Variants in SOX5 observed in about 807,000 individuals in gnomAD.
SOX5 encodes SRY-box transcription factor 5, also known as transcription factor SOX-5.
SOX5 carries 9 observed loss-of-function variants against 92.0 expected under a neutral mutation model. That is an observed-to-expected ratio of 0.10 (90% confidence interval 0.06 to 0.17). SOX5 has a LOEUF of 0.17. Among genes scored for constraint, SOX5 ranks in the 10% least tolerant of loss-of-function variants. The probability of loss-of-function intolerance (pLI) is 1.00; values close to 1 mark genes in which losing one functional copy is unlikely to be tolerated. For synonymous variants in SOX5, 344 were observed against 336.3 expected, an observed-to-expected ratio of 1.02 and a Z score of -0.25; for missense variants, 642 against 944.5, an observed-to-expected ratio of 0.68 and a Z score of 4.20.
chr12:24,120,943 G>A (rs1402664936), intron 4 of SOX5, among the ~76,000 whole-genome samples: 1 of 152,124 alleles, frequency 6.6e-6, no homozygotes, highest in Admixed American at 6.5e-5. Flanking sequence ...CAGTCCTTGT[G>A]GTTGATGCAG....
chr12:23,915,483 T>C (rs1223764811), intron 1 of SOX5, among the ~76,000 whole-genome samples: 2 of 152,180 alleles, frequency 1.3e-5, no homozygotes, highest in Non-Finnish European at 2.9e-5. Context: ...TTTCTGAATC[T>C]TGCTAGAAAA....
chr12:24,240,922 T>C (rs1965443033), intron 3 of SOX5, among the ~76,000 whole-genome samples: 1 of 152,338 alleles, frequency 6.6e-6, no homozygotes, highest in Non-Finnish European at 1.5e-5. Flanking sequence ...TTTAAAATAA[T>C]GTGTAACTCA....
chr12:24,550,827 A>G (rs1953081061), intron 1 of SOX5, among the ~76,000 whole-genome samples: 1 of 152,180 alleles, frequency 6.6e-6, no homozygotes, highest in Non-Finnish European at 1.5e-5. Context: ...ATCTCCTTTT[A>G]TTTCCAAAGC....
intron 1 of SOX5, among the ~76,000 whole-genome samples, chr12:23,941,202 T>A (rs1283473911): frequency 6.6e-6 from 1 of 151,630 alleles, no homozygotes; most frequent in Non-Finnish European, 1.5e-5. Flanking sequence ...AACTATTATA[T>A]TCCCTAAAAT....
At chr12:24,277,516 A>G (rs12229248) in intron 2 of SOX5, among the ~76,000 whole-genome samples, 23 of 119,828 alleles carry the variant, frequency 1.9e-4, no homozygotes, top group South Asian at 7.7e-4. Context: ...ATATAAATAT[A>G]TATTTATATG....
chr12:23,785,947 T>C (rs1377619078), intron 3 of SOX5, among the ~76,000 whole-genome samples: 1 of 152,064 alleles, frequency 6.6e-6, no homozygotes, highest in African/African-American at 2.4e-5. Context: ...TTTTCTTTCC[T>C]TGTTTGGGCC....
intron 3 of SOX5, among the ~76,000 whole-genome samples, chr12:24,226,257 T>C (rs546519046): frequency 6.6e-6 from 1 of 152,272 alleles, no homozygotes; most frequent in South Asian, 2.1e-4. Context: ...ACCCACACAA[T>C]ATACATTATT....
chr12:23,814,587 C>G (rs1422662298), intron 3 of SOX5, among the ~76,000 whole-genome samples: 1 of 152,170 alleles, frequency 6.6e-6, no homozygotes, highest in Admixed American at 6.5e-5. Flanking sequence ...CAATTTTTCA[C>G]TTCAATTAAC....
intron 4 of SOX5, among the ~76,000 whole-genome samples, chr12:24,121,518 G>A (rs1451443448): frequency 6.8e-6 from 1 of 147,756 alleles, no homozygotes; most frequent in Non-Finnish European, 1.5e-5. Context: ...CTTTACAGAA[G>A]TTTATGGGGA....
chr12:24,042,564 C>T (rs1160334887), intron 4 of SOX5, among the ~76,000 whole-genome samples: 1 of 152,086 alleles, frequency 6.6e-6, no homozygotes, highest in Admixed American at 6.5e-5. Context: ...CATCCATATC[C>T]ATCATATATA....
intron 1 of SOX5, among the ~76,000 whole-genome samples, chr12:24,461,598 GC>G (rs1193383122): frequency 1.8e-4 from 27 of 152,018 alleles, no homozygotes; most frequent in Admixed American, 1.8e-3. Context: ...CCATATACAG[GC>G]CACATATTAT....
intron 4 of SOX5, among the ~76,000 whole-genome samples, chr12:23,998,767 C>T (rs1569451290): frequency 7.4e-6 from 1 of 134,498 alleles, no homozygotes; most frequent in Non-Finnish European, 1.5e-5. Flanking sequence ...CGCCATTGCA[C>T]TCCAGCCTGG....
At chr12:23,804,466 C>G (rs1427783385) in intron 3 of SOX5, among the ~76,000 whole-genome samples, 1 of 152,056 alleles carries the variant, frequency 6.6e-6, no homozygotes, top group African/African-American at 2.4e-5. Flanking sequence ...CTGATCAGAT[C>G]ACACCACTGC....
intron 2 of SOX5, among the ~76,000 whole-genome samples, chr12:24,341,851 G>GCCCAGTA (rs1952613489): frequency 6.6e-6 from 1 of 152,144 alleles, no homozygotes; most frequent in African/African-American, 2.4e-5. Flanking sequence ...AGTGCCCAGT[G>GCCCAGTA]CCCACTGGGC....
chr12:24,130,902 T>G (rs775034921), intron 4 of SOX5, among the ~76,000 whole-genome samples: 1 of 152,172 alleles, frequency 6.6e-6, no homozygotes, highest in Non-Finnish European at 1.5e-5. Flanking sequence ...AGCTCCATAT[T>G]CCTACCTAGG....
chr12:24,457,846 T>C (rs1168442172), intron 1 of SOX5, among the ~76,000 whole-genome samples: 1 of 152,180 alleles, frequency 6.6e-6, no homozygotes, highest in African/African-American at 2.4e-5. Context: ...TTTTACTTTA[T>C]AGGCTTAAAA....
chr12:23,979,694 ATATGTTTTTTT>A (rs1392379256), intron 4 of SOX5, among the ~76,000 whole-genome samples: 2 of 60,066 alleles, frequency 3.3e-5, no homozygotes, highest in African/African-American at 5.2e-5. Context: ...ATATATATAT[ATATGTTTTTTT>A]TGTTTTTTTT....
rs573457663 is a variant in SOX5, at chr12:24,398,571, G to T, written c.-250-29932C>A. Among the ~76,000 whole-genome samples the T allele has an allele frequency of 5.9e-5, 9 of 152,182 alleles. No individual in the cohort carries two copies. The East Asian group carries it at 1.5e-3, about 26-fold the overall frequency. On this transcript the variant is annotated intron_variant, in intron 1 of 4. Coordinates refer to the SOX5 transcript ENST00000446891. Reference sequence around the variant, plus strand: ...AACATGCAACTACACACACACAGTGGTACTTGTGTTTCTATTACTGCTACA... The same window carrying T: ...AACATGCAACTACACACACACAGTGTTACTTGTGTTTCTATTACTGCTACA...
intron 2 of SOX5, among the ~76,000 whole-genome samples, chr12:23,873,732 A>T (rs1568523196): frequency 6.6e-6 from 1 of 152,180 alleles, no homozygotes; most frequent in Non-Finnish European, 1.5e-5. Context: ...CGCAAAGGAT[A>T]TGTAGGAGAC....
Sources: gnomAD v4.1 joint callset for allele counts (sites outside exome capture counted in the v4.1 genomes callset) on GRCh38, gnomAD v4.1.1 for gene constraint, MANE v1.5 for transcripts, NCBI Gene and HGNC (gene_info 2026-07-23, HGNC 2026-07-21) for gene names.